PRKN: variants seen among roughly 807,000 people sequenced by gnomAD.
The protein encoded by PRKN is E3 ubiquitin-protein ligase parkin.
A neutral mutation model predicts 59.5 loss-of-function variants in PRKN; 56 were observed. That is an observed-to-expected ratio of 0.94 (90% CI 0.76 to 1.18). The LOEUF is 1.18. Among genes scored for constraint, PRKN ranks in the 50% most tolerant of loss-of-function variants. The pLI is 0.00. For synonymous variants in PRKN, 250 were observed against 222.1 expected (o/e 1.13, Z -1.12); for missense variants, 657 against 596.4 (o/e 1.10, Z -1.06).
intron 6 of PRKN, among the ~76,000 whole-genome samples, chr6:161,845,969 G>T (rs1330911439): frequency 6.6e-6 from 1 of 152,128 alleles, no homozygotes; most frequent in Non-Finnish European, 1.5e-5. Flanking sequence ...TCAATTGGAG[G>T]GAAAAGAGGA....
chr6:162,228,775 A>G (rs1028784341), intron 3 of PRKN, among the ~76,000 whole-genome samples: 3 of 152,188 alleles, frequency 2.0e-5, no homozygotes, highest in Non-Finnish European at 1.5e-5. Context: ...TGGTTTACAA[A>G]CATTATTTCC....
chr6:161,883,665 A>G (rs1347150049), intron 6 of PRKN, among the ~76,000 whole-genome samples: 1 of 151,644 alleles, frequency 6.6e-6, no homozygotes, highest in Admixed American at 6.6e-5. Context: ...TATTTTTTTT[A>G]TTAAGACAGA....
chr6:162,294,003 G>A lies in PRKN; in HGVS notation c.172-31238C>T, dbSNP rs144698234. Among the ~76,000 whole-genome samples, 627 of 152,178 alleles carry A rather than the reference G, an allele frequency of 4.1e-3. 3 individuals carry two copies. Among genetic ancestry groups the A allele is most frequent in the Non-Finnish European group, 6.7e-3 (458 of 68,010 alleles). ...GGGAGAAGTCTTAGGGCTTAGACAT[G>A]AGGGCCACCTGGAGGGTGGCAGGAC... On this transcript the variant is annotated intron_variant, in intron 2 of 11. Coordinates refer to ENST00000366898, the MANE Select transcript of PRKN (RefSeq NM_004562.3).
At chr6:162,711,809 T>C (rs901059395) in intron 1 of PRKN, among the ~76,000 whole-genome samples, 1 of 152,180 alleles carries the variant, frequency 6.6e-6, no homozygotes, top group African/African-American at 2.4e-5. Context: ...GAAACAGCTA[T>C]TATCATTGAC....
rs371922807 is a variant in PRKN at position 162,649,428 on chromosome 6, G to A, written c.7+78234C>T. Among the ~76,000 whole-genome samples, 100 of 152,148 alleles carry A rather than the reference G, an allele frequency of 6.6e-4. No homozygotes were observed. In the East Asian group the frequency reaches 9.9e-3, roughly 15 times the overall value. On this transcript the variant is annotated intron_variant, in intron 1 of 11. Transcript: ENST00000366898. Reference sequence around the variant, plus strand: ...AGCATGTCTAACCCAGAGCCATCTCGACAAACCAGGATGGTACACATCATC... The same window carrying A: ...AGCATGTCTAACCCAGAGCCATCTCAACAAACCAGGATGGTACACATCATC...
At chr6:162,207,728 C>T (rs1434888339) in intron 3 of PRKN, among the ~76,000 whole-genome samples, 1 of 152,142 alleles carries the variant, frequency 6.6e-6, no homozygotes, top group Admixed American at 6.5e-5. Context: ...CCTTTCTGTA[C>T]CTGTCCAAAC....
At chr6:161,910,822 C>T (rs1423899361) in intron 6 of PRKN, among the ~76,000 whole-genome samples, 1 of 152,220 alleles carries the variant, frequency 6.6e-6, no homozygotes, top group African/African-American at 2.4e-5. Flanking sequence ...CAGCCATCAA[C>T]ATCAAGGCAA....
intron 5 of PRKN, among the ~76,000 whole-genome samples, chr6:161,990,686 C>G (rs948621976): frequency 3.9e-5 from 6 of 151,960 alleles, no homozygotes; most frequent in Non-Finnish European, 7.4e-5. Context: ...GAAAAGAGAT[C>G]ATTTGAAATA....
chr6:161,966,186 G>T (rs1021742283), intron 6 of PRKN, among the ~76,000 whole-genome samples: 2 of 151,866 alleles, frequency 1.3e-5, no homozygotes, highest in African/African-American at 4.9e-5. Flanking sequence ...AATAAATAGG[G>T]TTAAATAAAA....
intron 2 of PRKN, among the ~76,000 whole-genome samples, chr6:162,339,076 T>A (rs1351319281): frequency 1.4e-5 from 2 of 141,876 alleles, no homozygotes; most frequent in Non-Finnish European, 3.1e-5. Context: ...GTCTGAGAAG[T>A]GAGGAGCCCC....
chr6:162,526,188 A>G (rs1778274374), intron 1 of PRKN, among the ~76,000 whole-genome samples: 1 of 152,028 alleles, frequency 6.6e-6, no homozygotes, highest in African/African-American at 2.4e-5. Context: ...AATGTAGATG[A>G]CAAACTATCG....
At chr6:161,723,134 GGTGA>G (rs1787295374) in intron 7 of PRKN, among the ~76,000 whole-genome samples, 5 of 152,056 alleles carry the variant, frequency 3.3e-5, no homozygotes, top group Admixed American at 6.6e-5. Flanking sequence ...TGAGTGTGGA[GGTGA>G]GTGCCTGTAA....
intron 4 of PRKN, among the ~76,000 whole-genome samples, chr6:162,076,127 C>T (rs1778817288): frequency 6.6e-6 from 1 of 151,952 alleles, no homozygotes; most frequent in African/African-American, 2.4e-5. Context: ...TGCCCCCACA[C>T]CCAGCTAATT....
intron 4 of PRKN, among the ~76,000 whole-genome samples, chr6:162,193,284 A>G (rs1784361827): frequency 6.6e-6 from 1 of 152,250 alleles, no homozygotes; most frequent in Admixed American, 6.5e-5. Flanking sequence ...TTTCTGTGAT[A>G]CAGAAGAGTA....
chr6:162,176,847 T>G (rs79309387), intron 4 of PRKN, among the ~76,000 whole-genome samples: 2,832 of 151,816 alleles, frequency 0.019, 73 homozygotes, highest in East Asian at 0.093. Context: ...CAGAGAGAAA[T>G]GCTCAATAAA....
chr6:161,944,387 C>A (rs971596223), intron 6 of PRKN, among the ~76,000 whole-genome samples: 1 of 152,184 alleles, frequency 6.6e-6, no homozygotes, highest in Admixed American at 6.5e-5. Context: ...CCCTGCAAGG[C>A]CCGGCACAGA....
At chr6:161,870,679 T>A (rs1413759535) in intron 6 of PRKN, among the ~76,000 whole-genome samples, 2 of 152,170 alleles carry the variant, frequency 1.3e-5, no homozygotes, top group Non-Finnish European at 2.9e-5. Context: ...TGCTGGCCTG[T>A]GAAGGAAAGG....
At chr6:161,741,840 C>A (rs999682227) in intron 7 of PRKN, among the ~76,000 whole-genome samples, 2 of 152,116 alleles carry the variant, frequency 1.3e-5, no homozygotes, top group African/African-American at 2.4e-5. Context: ...GTAATAATCC[C>A]CACATGTTAA....
At chr6:162,158,053 A>G (rs1782593708) in intron 4 of PRKN, among the ~76,000 whole-genome samples, 1 of 152,048 alleles carries the variant, frequency 6.6e-6, no homozygotes, top group Non-Finnish European at 1.5e-5. Flanking sequence ...AAGGTAACTC[A>G]TGAAATAGAG....
Sources: allele counts gnomAD v4.1 joint callset (sites outside exome capture counted in the v4.1 genomes callset), GRCh38; gene constraint gnomAD v4.1.1; transcripts MANE v1.5; gene names NCBI Gene and HGNC (gene_info 2026-07-23, HGNC 2026-07-21).